RLF: variants seen among roughly 807,000 people sequenced by gnomAD.
RLF encodes the protein zinc finger protein Rlf.
A neutral mutation model predicts 162.9 loss-of-function variants in RLF; 7 were observed. The ratio of observed to expected loss-of-function variants is 0.04; its 90% CI spans 0.02 to 0.08. RLF has a LOEUF of 0.08. Among genes scored for constraint, RLF ranks in the 10% least tolerant of loss-of-function variants. The pLI, the probability that RLF is intolerant of heterozygous loss-of-function variation, is 1.00. For missense variants in RLF, 1,664 were observed against 2,244.7 expected (o/e 0.74, Z 5.23); for synonymous variants, 782 against 791.5 (o/e 0.99, Z 0.20).
intron 6 of RLF, among the ~76,000 whole-genome samples, chr1:40,224,931 G>A (rs765343244): frequency 1.3e-5 from 2 of 151,756 alleles, no homozygotes; most frequent in African/African-American, 2.4e-5. Flanking sequence ...AGGTTGCAGT[G>A]AGCCGAGGTC....
intron 4 of RLF, among the ~76,000 whole-genome samples, chr1:40,197,908 C>T (rs764713699): frequency 2.0e-5 from 3 of 152,348 alleles, no homozygotes; most frequent in Non-Finnish European, 2.9e-5. Context: ...ATGTTCATCT[C>T]ACTGATTGTC....
chr1:40,230,166 C>T (rs543595302), intron 6 of RLF, among the ~76,000 whole-genome samples: 5 of 151,470 alleles, frequency 3.3e-5, no homozygotes, highest in African/African-American at 1.2e-4. Flanking sequence ...CCCCAGTTCC[C>T]TCTTTAGAAA....
In RLF at chr1:40,161,419, A is replaced by G. The variant is rs765606515; in HGVS notation, c.20A>G (p.Asp7Gly). 5 of 1,544,902 alleles carry G rather than the reference A, an allele frequency of 3.2e-6. No homozygotes were observed. The highest frequency in any genetic ancestry group is 1.2e-5 in the South Asian group (1 of 83,130). ...GGGAAGATGGCGGACGGAAAGGGAG[A>G]CGCCGCCGCTGTCGCCGGGGCTGGG... is the stretch of plus-strand genomic sequence containing the variant. MADGKG[D>G]AAAVAGAGAE... Residue 7 changes from aspartate (D) to glycine (G), a missense_variant, in exon 1 of 8, where the codon GAC becomes GGC. Around this residue, in one of 15 missense-constraint regions of RLF, gnomAD observed 134 missense variants for 124.3 expected, o/e 1.08. Coordinates refer to ENST00000372771, the MANE Select transcript of RLF (RefSeq NM_012421.4). This position sits in a 1 kb window ranked among gnomAD's most constrained non-coding sequence, Gnocchi z 4.4.
intron 1 of RLF, among the ~76,000 whole-genome samples, chr1:40,173,083 T>G (rs1390484569): frequency 6.7e-6 from 1 of 149,892 alleles, no homozygotes. Flanking sequence ...GTTTTTTTTT[T>G]TTTTTTTTGT....
chr1:40,231,342 T>G, intron 6 of RLF, 175 bp from the exon 7 acceptor site: 1 of 531,436 alleles, frequency 1.9e-6, no homozygotes, highest in South Asian at 2.9e-5. Flanking sequence ...TTACGGAGGA[T>G]TCTTAACAAT....
intron 1 of RLF, among the ~76,000 whole-genome samples, chr1:40,177,355 T>G (rs1346797777): frequency 6.6e-6 from 1 of 150,634 alleles, no homozygotes; most frequent in Admixed American, 6.6e-5. Context: ...AGTGGTGTGA[T>G]CTCAGCTCAC....
intron 1 of RLF, among the ~76,000 whole-genome samples, chr1:40,169,152 GATTTTTC>G (rs1052194269): frequency 1.3e-5 from 2 of 152,104 alleles, no homozygotes; most frequent in Non-Finnish European, 2.9e-5. Flanking sequence ...TGGGTAGTGT[GATTTTTC>G]ATTTTACAGA....
chr1:40,168,150 G>A (rs1036242212), intron 1 of RLF, among the ~76,000 whole-genome samples: 2 of 152,210 alleles, frequency 1.3e-5, no homozygotes, highest in African/African-American at 4.8e-5. Context: ...AGGAGGTTGA[G>A]GCTGCAGTAA....
chr1:40,231,691 G>T, intron 7 of RLF, 33 bp downstream of exon 7: 1 of 1,568,312 alleles, frequency 6.4e-7, no homozygotes, highest in Admixed American at 2.0e-5. Flanking sequence ...GCTAACTGTA[G>T]CTGGAGGAAA....
intron 1 of RLF, among the ~76,000 whole-genome samples, chr1:40,188,604 A>T (rs1318914497): frequency 6.8e-6 from 1 of 146,296 alleles, no homozygotes; most frequent in Admixed American, 7.3e-5. Context: ...AGCCTAATCA[A>T]TTCCATGTGT....
intron 1 of RLF, among the ~76,000 whole-genome samples, chr1:40,171,521 CTT>C (rs1201788989): frequency 6.6e-6 from 1 of 151,964 alleles, no homozygotes; most frequent in Non-Finnish European, 1.5e-5. Flanking sequence ...ATTCTGTTGT[CTT>C]TGCTTTTTTC....
intron 1 of RLF, among the ~76,000 whole-genome samples, chr1:40,172,741 G>C (rs958167185): frequency 6.6e-6 from 1 of 152,132 alleles, no homozygotes; most frequent in African/African-American, 2.4e-5. Context: ...ACTCTATCCT[G>C]GGCAACAGAG....
intron 5 of RLF, among the ~76,000 whole-genome samples, chr1:40,216,791 AC>A (rs879557989): frequency 9.9e-5 from 15 of 152,164 alleles, no homozygotes; most frequent in African/African-American, 2.9e-4. Context: ...ACGGTGTCTC[AC>A]GCCTGTACCA....
intron 1 of RLF, among the ~76,000 whole-genome samples, chr1:40,185,985 C>A (rs998468548): frequency 4.6e-5 from 7 of 151,820 alleles, no homozygotes; most frequent in African/African-American, 1.5e-4. Context: ...GGTGAAACCC[C>A]ATCTCTACTA....
rs1372658693 is a variant in RLF, at chr1:40,161,452, C to T, written c.53C>T (p.Ala18Val). The T allele has an allele frequency of 1.9e-6, 3 of 1,579,470 alleles. No individual in the cohort carries two copies. The highest frequency in any genetic ancestry group is 2.6e-6 in the Non-Finnish European group (3 of 1,164,808). ...GCTGTCGCCGGGGCTGGGGCTGAGG[C>T]TCCGGCGGTAGCGGGAGCCGGAGAT... ...AAAVAGAGAE[A>V]PAVAGAGDGV... Residue 18 changes from alanine (A) to valine (V), a missense_variant, in exon 1 of 8, where the codon GCT becomes GTT. This residue lies in a region of RLF where 134 missense variants were observed against 124.3 expected (regional missense o/e 1.08). Transcript: ENST00000372771. This position sits in a 1 kb window ranked among gnomAD's most constrained non-coding sequence, Gnocchi z 4.4.
At position 40,239,186 on chromosome 1, in the gene RLF, A is replaced by T; in HGVS notation, c.4484A>T (p.Gln1495Leu). Residue 1495 changes from glutamine (Q) to leucine (L), a missense_variant, in exon 8 of 8, where the codon CAA becomes CTA. Physicochemically the swap from Gln to Leu is moderately radical, Grantham distance 113. This residue lies in a region of RLF where 200 missense variants were observed against 207.3 expected (regional missense o/e 0.96). Transcript: ENST00000372771. Reference protein sequence around the residue: ...ERLLRSEKVCQTADTQGHEHQ... With the variant: ...ERLLRSEKVCLTADTQGHEHQ... ...CTACTAAGGAGTGAAAAGGTATGTC[A>T]AACAGCTGATACTCAGGGGCATGAA... 1 of 1,614,164 alleles carries T rather than the reference A, an allele frequency of 6.2e-7. No individual in the cohort carries two copies. The highest frequency in any genetic ancestry group is 8.5e-7 in the Non-Finnish European group (1 of 1,180,034).
In RLF at chr1:40,190,730, T is replaced by C. The variant is rs374264863; in HGVS notation, c.393-42T>C. On this transcript the variant is annotated intron_variant, in intron 2 of 7. Transcript: ENST00000372771. ...ATTGCTGTCATACTCTACTTAATTA[T>C]TACTATAACCACCTTTATATACTTA... 65 of 1,257,580 alleles carry C rather than the reference T, an allele frequency of 5.2e-5. No homozygotes were observed. In the African/African-American group the frequency reaches 9.0e-4, roughly 17 times the overall value. 77.9% of individuals were successfully genotyped at this position (1,257,580 alleles called of 1,614,324 possible). A position where few individuals can be genotyped will look rare whatever the true frequency, so the allele number is the denominator to read the frequency against.
At chr1:40,199,469 A>T (rs2124540762) in intron 4 of RLF, among the ~76,000 whole-genome samples, 1 of 152,336 alleles carries the variant, frequency 6.6e-6, no homozygotes, top group African/African-American at 2.4e-5. Flanking sequence ...CTTTTTACAG[A>T]TGAAGAAACT....
At chr1:40,207,423 A>T (rs1220924889) in intron 5 of RLF, among the ~76,000 whole-genome samples, 3 of 152,164 alleles carry the variant, frequency 2.0e-5, no homozygotes, top group African/African-American at 7.2e-5. Flanking sequence ...AAATATAGTT[A>T]TGCTATCTGT....
Sources: allele counts gnomAD v4.1 joint callset (sites outside exome capture counted in the v4.1 genomes callset), GRCh38; gene constraint gnomAD v4.1.1; regional missense constraint gnomAD v4.1.1; non-coding constraint Gnocchi (gnomAD v3.1); transcripts MANE v1.5; gene names NCBI Gene and HGNC (gene_info 2026-07-23, HGNC 2026-07-21).